DPP6: variants seen among roughly 807,000 people sequenced by gnomAD.
The protein encoded by DPP6 is dipeptidyl peptidase like 6, also known as A-type potassium channel modulatory protein DPP6.
A neutral mutation model predicts 122.6 loss-of-function variants in DPP6; 69 were observed. The ratio of observed to expected loss-of-function variants is 0.56; its 90% CI spans 0.46 to 0.69. The LOEUF (loss-of-function observed/expected upper bound fraction) is 0.69, where lower values mean the gene tolerates loss of function less well. Ranked by LOEUF, DPP6 falls within the 30% of genes least tolerant of loss-of-function variation. The pLI is 0.00. For synonymous variants in DPP6, 418 were observed against 433.1 expected, an observed-to-expected ratio of 0.97 and a Z score of 0.43; for missense variants, 928 against 1,116.9, an observed-to-expected ratio of 0.83 and a Z score of 2.41.
At chr7:153,918,440 A>T in intron 1 of DPP6, among the ~76,000 whole-genome samples, 1 of 108,662 alleles carries the variant, frequency 9.2e-6, no homozygotes, top group Non-Finnish European at 2.0e-5. Context: ...ACACACACAC[A>T]CACACACACA....
chr7:154,179,381 C>T lies in DPP6; in HGVS notation c.243+126318C>T, dbSNP rs541327275. 1.1e-3 allele frequency among the ~76,000 whole-genome samples: 174 copies of T among 152,260 alleles called. 2 individuals carry two copies. The highest frequency in any genetic ancestry group is 3.9e-3 in the African/African-American group (164 of 41,558). ...TGAATGGAGACTGAAGGGTATTTAA[C>T]GGGCCATTGGCATCAAATTAGAAAG... On this transcript the variant is annotated intron_variant, in intron 1 of 25. Transcript: ENST00000377770.
intron 1 of DPP6, among the ~76,000 whole-genome samples, chr7:154,172,202 G>T (rs1463883192): frequency 6.6e-6 from 1 of 152,020 alleles, no homozygotes; most frequent in Non-Finnish European, 1.5e-5. Context: ...TGTGCCAGGG[G>T]CTGTGGAGTA....
At chr7:154,727,012 T>C (rs1333100553) in intron 7 of DPP6, among the ~76,000 whole-genome samples, 1 of 152,228 alleles carries the variant, frequency 6.6e-6, no homozygotes, top group Non-Finnish European at 1.5e-5. Context: ...TTCTGAGTCC[T>C]TCAACCTGTT....
chr7:154,187,971 T>C (rs2150759089), intron 1 of DPP6, among the ~76,000 whole-genome samples: 1 of 152,258 alleles, frequency 6.6e-6, no homozygotes, highest in East Asian at 1.9e-4. Flanking sequence ...TATCTAAAGT[T>C]GAGAACAGTA....
chr7:153,766,317 T>G, the DPP6 span, among the ~76,000 whole-genome samples: 1 of 152,180 alleles, frequency 6.6e-6, no homozygotes, highest in Non-Finnish European at 1.5e-5. Context: ...TTAACAAGCT[T>G]TATCATCTCC....
chr7:154,512,147 A>G (rs895730626), intron 3 of DPP6, among the ~76,000 whole-genome samples: 1 of 152,196 alleles, frequency 6.6e-6, no homozygotes, highest in Admixed American at 6.5e-5. Flanking sequence ...TAACTTGTAT[A>G]TACTTTTAGA....
At chr7:154,802,375 C>T (rs1473384355) in intron 13 of DPP6, among the ~76,000 whole-genome samples, 1 of 68,412 alleles carries the variant, frequency 1.5e-5, no homozygotes, top group African/African-American at 3.1e-5. Flanking sequence ...GGGATGGAAT[C>T]GGGGTGGGGG....
chr7:153,998,630 A>C (rs1397591399), intron 1 of DPP6, among the ~76,000 whole-genome samples: 1 of 152,234 alleles, frequency 6.6e-6, no homozygotes, highest in African/African-American at 2.4e-5. Context: ...ACTCACCTGT[A>C]ATGAGATGGG....
chr7:153,965,366 G>T (rs1363989179), intron 1 of DPP6, among the ~76,000 whole-genome samples: 1 of 151,882 alleles, frequency 6.6e-6, no homozygotes. Flanking sequence ...TAACCATTCC[G>T]GTTCCTCCTT....
intron 1 of DPP6, among the ~76,000 whole-genome samples, chr7:153,959,488 G>T (rs1356406382): frequency 6.6e-6 from 1 of 152,226 alleles, no homozygotes; most frequent in Non-Finnish European, 1.5e-5. Context: ...GCCAAATTGT[G>T]AACTTTTTCT....
chr7:154,645,317 G>A (rs536814302), intron 6 of DPP6, among the ~76,000 whole-genome samples: 140 of 152,010 alleles, frequency 9.2e-4, no homozygotes, highest in African/African-American at 3.1e-3. Flanking sequence ...CGCCCGCCTC[G>A]GCCTCCCAAA....
chr7:154,220,858 A>G (rs1800263735), intron 1 of DPP6, among the ~76,000 whole-genome samples: 1 of 152,138 alleles, frequency 6.6e-6, no homozygotes. Flanking sequence ...TTTCACGAAC[A>G]AGTTTTGCTG....
rs955463396 is a variant in DPP6, at chr7:154,494,133, C to T, written c.457+19096C>T. On this transcript the variant is annotated intron_variant, in intron 3 of 25. Transcript: ENST00000377770. Reference sequence around the variant, plus strand: ...CTTTGGGAGGCCAAAGCCGAAACATCGCTTAAACTCAGGAGTTTGAGACCA... The same window carrying T: ...CTTTGGGAGGCCAAAGCCGAAACATTGCTTAAACTCAGGAGTTTGAGACCA... 7.8e-4 allele frequency among the ~76,000 whole-genome samples: 119 copies of T among 152,208 alleles called. 1 individual carries two copies. The highest frequency in any genetic ancestry group is 3.4e-3 in the Middle Eastern group (1 of 294).
intron 1 of DPP6, among the ~76,000 whole-genome samples, chr7:154,159,047 T>C (rs1477236191): frequency 6.6e-6 from 1 of 152,126 alleles, no homozygotes; most frequent in Non-Finnish European, 1.5e-5. Context: ...TCCCATCTCG[T>C]GTGTTACTGG....
At position 154,877,620 on chromosome 7, in the gene DPP6, C is replaced by T. The variant is rs1805004003; in HGVS notation, c.2078+1520C>T. On this transcript the variant is annotated intron_variant, in intron 20 of 25. Transcript: ENST00000377770. This position sits in a 1 kb window ranked among gnomAD's most constrained non-coding sequence, Gnocchi z 5.2. Reference sequence around the variant, plus strand: ...GGGTGGCCCTCAGTAGCACCTGGCTCCATGCTTCGTCATCTACCTCCAGCA... The same window carrying T: ...GGGTGGCCCTCAGTAGCACCTGGCTTCATGCTTCGTCATCTACCTCCAGCA... Among the ~76,000 whole-genome samples, 3 of 152,254 alleles carry T rather than the reference C, an allele frequency of 2.0e-5. No individual in the cohort carries two copies. The South Asian group carries it at 6.2e-4, about 32-fold the overall frequency.
At chr7:154,669,267 A>C in intron 6 of DPP6, 93 bp from the exon 7 acceptor site, 1 of 1,534,886 alleles carries the variant, frequency 6.5e-7, no homozygotes, top group Non-Finnish European at 8.8e-7. Flanking sequence ...AGGAGAAAGG[A>C]GTTAAGTTAT....
At chr7:154,128,463 A>G (rs886994646) in intron 1 of DPP6, among the ~76,000 whole-genome samples, 6 of 152,132 alleles carry the variant, frequency 3.9e-5, no homozygotes, top group Non-Finnish European at 8.8e-5. Flanking sequence ...GTGCAGTGGT[A>G]CGATCTCAGC....
At chr7:154,649,006 GC>G (rs1252945175) in intron 6 of DPP6, among the ~76,000 whole-genome samples, 1 of 152,010 alleles carries the variant, frequency 6.6e-6, no homozygotes, top group Non-Finnish European at 1.5e-5. Flanking sequence ...CTCCCCACAA[GC>G]AAGACTCAGG....
intron 1 of DPP6, among the ~76,000 whole-genome samples, chr7:154,323,906 G>A (rs1400623881): frequency 6.6e-6 from 1 of 152,164 alleles, no homozygotes; most frequent in Non-Finnish European, 1.5e-5. Context: ...GGTTTGATAT[G>A]GATGAAAGCT....
Sources: allele counts gnomAD v4.1 joint callset (sites outside exome capture counted in the v4.1 genomes callset), GRCh38; gene constraint gnomAD v4.1.1; non-coding constraint Gnocchi (gnomAD v3.1); transcripts MANE v1.5; gene names NCBI Gene and HGNC (gene_info 2026-07-23, HGNC 2026-07-21).